GAPVD1: variants seen among roughly 807,000 people sequenced by gnomAD.
GAPVD1 encodes the protein GTPase-activating protein and VPS9 domain-containing protein 1.
In GAPVD1, 35 loss-of-function variants were observed where a neutral mutation model predicts 155.5. The observed-to-expected ratio is 0.23, with a 90% CI of 0.17 to 0.30. The LOEUF is 0.30. Among genes scored for constraint, GAPVD1 ranks in the 10% least tolerant of loss-of-function variants. The pLI is 1.00. For synonymous variants in GAPVD1, 636 were observed against 619.7 expected (o/e 1.03, Z -0.39); for missense variants, 1,429 against 1,775.7 (o/e 0.80, Z 3.51).
At chr9:125,304,646 A>T (rs1333599320) in intron 5 of GAPVD1, among the ~76,000 whole-genome samples, 1 of 152,208 alleles carries the variant, frequency 6.6e-6, no homozygotes, top group African/African-American at 2.4e-5. Context: ...CTAGGGAAAA[A>T]ATTATACCTT....
chr9:125,362,865 C>A lies in GAPVD1; in HGVS notation c.*119C>A. 2 of 765,156 alleles carry A rather than the reference C, an allele frequency of 2.6e-6. No homozygotes were observed. Among genetic ancestry groups the A allele is most frequent in the Non-Finnish European group, 4.0e-6 (2 of 498,394 alleles). The allele number at this position is 765,156 out of a possible 1,614,324, so 47.4% of individuals were successfully genotyped here. ...TTGTATGATACTGCACAGCATCAGG[C>A]ATTTTAAAGCAGATCTTTACTAAAC... On this transcript the variant is annotated 3_prime_UTR_variant, in exon 28 of 28. Transcript: ENST00000297933.
In GAPVD1 at chr9:125,302,153, A is replaced by G; in HGVS notation, c.356A>G (p.Lys119Arg). 2 of 1,613,974 alleles carry G rather than the reference A, an allele frequency of 1.2e-6. No homozygotes were observed. Among genetic ancestry groups the G allele is most frequent in the South Asian group, 1.1e-5 (1 of 91,072 alleles). The change falls in exon 5 of 28, where the codon AAA becomes AGA. Residue 119 changes from lysine to arginine, a missense_variant. Physicochemically the swap from Lys to Arg is conservative, Grantham distance 26. Transcript: ENST00000297933. ...GCCTCCTCTTTGGTTGCTGGAGAGA[A>G]ACTTAATCAGGAGAACACACAAAGT... Reference protein sequence around the residue: ...LIASSLVAGEKLNQENTQSVI... With the variant: ...LIASSLVAGERLNQENTQSVI...
At chr9:125,348,574 G>A (rs1848856786) in intron 20 of GAPVD1, among the ~76,000 whole-genome samples, 1 of 151,998 alleles carries the variant, frequency 6.6e-6, no homozygotes, top group Non-Finnish European at 1.5e-5. Context: ...GTACAGTGGT[G>A]CAATCTTGGC....
At chr9:125,325,730 T>C (rs1418625658) in intron 11 of GAPVD1, among the ~76,000 whole-genome samples, 1 of 152,166 alleles carries the variant, frequency 6.6e-6, no homozygotes, top group Non-Finnish European at 1.5e-5. Context: ...TGGATTTGTT[T>C]ATCAGTGTAT....
chr9:125,350,512 C>A, intron 22 of GAPVD1, 108 bp downstream of exon 22: 1 of 788,484 alleles, frequency 1.3e-6, no homozygotes, highest in Non-Finnish European at 2.2e-6. Flanking sequence ...TATGGTTCAA[C>A]TTAATATGTT....
At position 125,362,966 on chromosome 9, in the gene GAPVD1, T is replaced by G; in HGVS notation, c.*220T>G. 1 of 311,618 alleles carries G rather than the reference T, an allele frequency of 3.2e-6. No homozygotes were observed. The allele number at this position is 311,618 out of a possible 1,614,324, so 19.3% of individuals were successfully genotyped here. The stretch of plus-strand genomic sequence containing the variant: ...CTGAGTTGCATATTCTATTTTCTTG[T>G]CCCCAAGTAGAGACTAGTACTACAA... On this transcript the variant is annotated 3_prime_UTR_variant, in exon 28 of 28. Coordinates refer to ENST00000297933, the MANE Select transcript of GAPVD1 (RefSeq NM_001282680.3).
chr9:125,262,110 G>A (rs1443645341), intron 1 of GAPVD1, among the ~76,000 whole-genome samples, 151 bp downstream of exon 1: 2 of 152,158 alleles, frequency 1.3e-5, no homozygotes, highest in Non-Finnish European at 2.9e-5. Context: ...CGTCAGTGTC[G>A]GGCGAGGTGG....
chr9:125,357,341 G>A (rs1850233995), intron 25 of GAPVD1, among the ~76,000 whole-genome samples: 1 of 152,148 alleles, frequency 6.6e-6, no homozygotes, highest in Admixed American at 6.5e-5. Context: ...CACTTTGGGA[G>A]GCCAAGGCAG....
chr9:125,265,710 CAA>C (rs996637629), intron 1 of GAPVD1, among the ~76,000 whole-genome samples: 2 of 138,684 alleles, frequency 1.4e-5, no homozygotes, highest in Non-Finnish European at 1.6e-5. Flanking sequence ...CGCGCCCGGC[CAA>C]AAAAAAAATT....
chr9:125,274,461 T>C (rs1364696766), intron 2 of GAPVD1, among the ~76,000 whole-genome samples: 1 of 151,212 alleles, frequency 6.6e-6, no homozygotes, highest in East Asian at 2.0e-4. Context: ...AAGCGCTTTG[T>C]ACTTTTTTTT....
intron 1 of GAPVD1, among the ~76,000 whole-genome samples, chr9:125,266,574 A>G (rs1564238584): frequency 6.6e-6 from 1 of 151,900 alleles, no homozygotes; most frequent in Non-Finnish European, 1.5e-5. Flanking sequence ...CGGCCTCCCA[A>G]AGTGCTGGGA....
Position 125,302,130 on chromosome 9 carries a change from C to T in GAPVD1, c.333C>T (p.Ala111=), listed in dbSNP as rs746463774. Residue 111 remains alanine, a synonymous_variant, in exon 5 of 28, where the codon GCC becomes GCT. Transcript: ENST00000297933. ...TGAGGGAAAATCCTCGTCTTATTGCCTCCTCTTTGGTTGCTGGAGAGAAAC... is the reference window on the plus strand; with the variant it reads ...TGAGGGAAAATCCTCGTCTTATTGCTTCCTCTTTGGTTGCTGGAGAGAAAC... The part of the protein sequence containing the change: ...SRLRENPRLI[A]SSLVAGEKLN... 3.7e-6 allele frequency: 6 copies of T among 1,613,860 alleles called. No homozygotes were observed. The highest frequency in any genetic ancestry group is 5.1e-6 in the Non-Finnish European group (6 of 1,179,978).
intron 3 of GAPVD1, among the ~76,000 whole-genome samples, chr9:125,296,579 C>G (rs1588727093): frequency 6.6e-6 from 1 of 150,898 alleles, no homozygotes; most frequent in Non-Finnish European, 1.5e-5. Flanking sequence ...GTCTTGAACT[C>G]CTGATCTCAG....
At chr9:125,299,672 ATGT>A (rs955073623) in intron 4 of GAPVD1, among the ~76,000 whole-genome samples, 9 of 150,302 alleles carry the variant, frequency 6.0e-5, no homozygotes, top group South Asian at 2.1e-4. Context: ...GAAAAAAAAA[ATGT>A]TGTTGTAGAG....
rs776591077 is a variant in GAPVD1 at position 125,330,172 on chromosome 9, GACA to G, written c.2132_2134del (p.Thr711del). 2 of 1,612,444 alleles carry G rather than the reference GACA, an allele frequency of 1.2e-6. No individual in the cohort carries two copies. Among genetic ancestry groups the G allele is most frequent in the South Asian group, 1.1e-5 (1 of 90,978 alleles). ...CCTGCACTGGTTCTACCATATCAGA[GACA>G]ACAAGTGAAGCTTGGAGTGTAGAGG... On this transcript the variant is annotated inframe_deletion, in exon 13 of 28. Coordinates refer to ENST00000297933, the MANE Select transcript of GAPVD1 (RefSeq NM_001282680.3).
At chr9:125,353,573 C>T (rs1849609621) in intron 23 of GAPVD1, among the ~76,000 whole-genome samples, 1 of 152,108 alleles carries the variant, frequency 6.6e-6, no homozygotes, top group African/African-American at 2.4e-5. Context: ...TAAAGACATA[C>T]CTGAGACTGG....
rs143619659 is a variant in GAPVD1, at chr9:125,313,111, C to T, written c.1602+499C>T. Among the ~76,000 whole-genome samples the T allele has an allele frequency of 5.2e-3, 792 of 151,660 alleles. 9 individuals are homozygous for T. Among genetic ancestry groups the T allele is most frequent in the African/African-American group, 0.017 (717 of 41,310 alleles). On this transcript the variant is annotated intron_variant, in intron 9 of 27. Coordinates refer to ENST00000297933, the MANE Select transcript of GAPVD1 (RefSeq NM_001282680.3). Reference sequence around the variant, plus strand: ...CTGAGATTACAGGTGTGAGCCACCGCGCCTGGCTGGTTGGGCTATTTTATA... The same window carrying T: ...CTGAGATTACAGGTGTGAGCCACCGTGCCTGGCTGGTTGGGCTATTTTATA...
At position 125,349,905 on chromosome 9, in the gene GAPVD1, G is replaced by A. The variant is rs146991821; in HGVS notation, c.3299+386G>A. 4.7e-3 allele frequency among the ~76,000 whole-genome samples: 719 copies of A among 152,120 alleles called. 23 individuals carry two copies. Among genetic ancestry groups the A allele is most frequent in the Admixed American group, 0.043 (662 of 15,282 alleles). ...TCAGGTAGTGAGCTTATTTTGTGGC[G>A]TCATCAGCGTTTCTAAAGAGATGTG... On this transcript the variant is annotated intron_variant, in intron 21 of 27. Coordinates refer to ENST00000297933, the MANE Select transcript of GAPVD1 (RefSeq NM_001282680.3).
intron 2 of GAPVD1, among the ~76,000 whole-genome samples, chr9:125,293,360 AG>A (rs1838903033): frequency 6.6e-6 from 1 of 151,782 alleles, no homozygotes; most frequent in African/African-American, 2.4e-5. Context: ...AAGCTTTATG[AG>A]GACAGAGATT....
Sources: gnomAD v4.1 joint callset for allele counts (sites outside exome capture counted in the v4.1 genomes callset) on GRCh38, gnomAD v4.1.1 for gene constraint, MANE v1.5 for transcripts, NCBI Gene and HGNC (gene_info 2026-07-23, HGNC 2026-07-21) for gene names.